The following WDR72 variants were observed in gnomAD, a reference collection of about 807,000 sequenced individuals.
The protein encoded by WDR72 is WD repeat-containing protein 72.
Under a neutral mutation model 124.2 loss-of-function variants are expected in WDR72, and 120 were observed. That is an observed-to-expected ratio of 0.97 (90% CI 0.83 to 1.12). The LOEUF is 1.12. Among genes scored for constraint, WDR72 ranks in the 50% most tolerant of loss-of-function variants. The probability of loss-of-function intolerance (pLI) is 0.00; values close to 1 mark genes in which losing one functional copy is unlikely to be tolerated. For synonymous variants in WDR72, 452 were observed against 441.7 expected, an observed-to-expected ratio of 1.02 and a Z score of -0.29; for missense variants, 1,387 against 1,278.8, an observed-to-expected ratio of 1.08 and a Z score of -1.29.
chr15:53,538,869 G>T (rs1314973872), intron 18 of WDR72, among the ~76,000 whole-genome samples: 1 of 152,056 alleles, frequency 6.6e-6, no homozygotes, highest in Non-Finnish European at 1.5e-5. Flanking sequence ...ACTGGTCTCA[G>T]TAAGTACATT....
At chr15:53,664,768 T>G (rs1414695605) in intron 14 of WDR72, among the ~76,000 whole-genome samples, 1 of 152,138 alleles carries the variant, frequency 6.6e-6, no homozygotes, top group Non-Finnish European at 1.5e-5. Flanking sequence ...CCAAGCCATA[T>G]ATCAAGACAT....
intron 8 of WDR72, 84 bp from the exon 9 acceptor site, chr15:53,711,037 G>A (rs1240993719): frequency 5.1e-6 from 6 of 1,178,810 alleles, no homozygotes; most frequent in African/African-American, 1.5e-5. Flanking sequence ...TCAAAAGCCG[G>A]ATGGTACCGT....
At chr15:53,542,683 A>C (rs1179661254) in intron 18 of WDR72, among the ~76,000 whole-genome samples, 6 of 42,658 alleles carry the variant, frequency 1.4e-4, no homozygotes, top group Non-Finnish European at 9.6e-5. Context: ...GCTCCAATTA[A>C]AAGACACAGA....
chr15:53,645,827 T>C (rs2015021480), intron 14 of WDR72, among the ~76,000 whole-genome samples: 1 of 152,186 alleles, frequency 6.6e-6, no homozygotes, highest in South Asian at 2.1e-4. Flanking sequence ...TTGAATATTT[T>C]GAAATTGCTA....
At chr15:53,745,289 T>C (rs899756534) in intron 1 of WDR72, among the ~76,000 whole-genome samples, 19 of 152,216 alleles carry the variant, frequency 1.2e-4, no homozygotes, top group African/African-American at 4.3e-4. Flanking sequence ...AATGAATCAC[T>C]ATAATTTTGT....
intron 18 of WDR72, among the ~76,000 whole-genome samples, chr15:53,549,209 C>T (rs76700759): frequency 0.16 from 24,232 of 152,168 alleles, 2,245 homozygotes; most frequent in South Asian, 0.25. Context: ...TGTGCCCTAA[C>T]AGATCTTATG....
intron 18 of WDR72, among the ~76,000 whole-genome samples, chr15:53,529,892 T>C (rs899163309): frequency 1.3e-5 from 2 of 151,956 alleles, no homozygotes; most frequent in Non-Finnish European, 2.9e-5. Flanking sequence ...AGAAAACGTG[T>C]AGGTTGGGAA....
chr15:53,604,968 C>T (rs1367702561), intron 17 of WDR72, among the ~76,000 whole-genome samples: 3 of 152,146 alleles, frequency 2.0e-5, no homozygotes, highest in East Asian at 1.9e-4. Flanking sequence ...TACCACTCAA[C>T]CCAACAATCC....
chr15:53,621,429 T>TAATA (rs1566988971), intron 14 of WDR72, among the ~76,000 whole-genome samples: 1 of 78,472 alleles, frequency 1.3e-5, no homozygotes, highest in Non-Finnish European at 2.3e-5. Flanking sequence ...AAAGAAACTG[T>TAATA]GATATATATA....
Position 53,569,301 on chromosome 15 carries a change from C to T in WDR72, c.3148+27778G>A, listed in dbSNP as rs565178934. 2.0e-5 allele frequency among the ~76,000 whole-genome samples: 3 copies of T among 152,092 alleles called. No individual in the cohort carries two copies. The South Asian group carries it at 6.2e-4, about 32-fold the overall frequency. ...TTTCATTTTATCCTAGGTCTCCACC[C>T]ATCACAGGTAATATTAGAGATGACA... is the stretch of plus-strand genomic sequence containing the variant. On this transcript the variant is annotated intron_variant, in intron 18 of 19. Transcript: ENST00000360509.
intron 2 of WDR72, among the ~76,000 whole-genome samples, chr15:53,732,397 T>C (rs2018227448): frequency 6.6e-6 from 1 of 152,200 alleles, no homozygotes; most frequent in Non-Finnish European, 1.5e-5. Flanking sequence ...TCTATTCTGA[T>C]ACGTTAAATG....
At chr15:53,527,106 G>T (rs1275036372) in intron 18 of WDR72, among the ~76,000 whole-genome samples, 1 of 152,034 alleles carries the variant, frequency 6.6e-6, no homozygotes, top group African/African-American at 2.4e-5. Flanking sequence ...GAATTGTTTG[G>T]CCAAAGAGAA....
At chr15:53,649,209 T>A (rs2015146234) in intron 14 of WDR72, among the ~76,000 whole-genome samples, 1 of 152,010 alleles carries the variant, frequency 6.6e-6, no homozygotes, top group Non-Finnish European at 1.5e-5. Context: ...ACAGAAACAC[T>A]CATTTACTGA....
At chr15:53,722,515 A>T (rs2017905330) in intron 3 of WDR72, among the ~76,000 whole-genome samples, 1 of 152,354 alleles carries the variant, frequency 6.6e-6, no homozygotes, top group Admixed American at 6.5e-5. Context: ...GGCATTGGTC[A>T]CTGACCCTCA....
chr15:53,696,855 G>C (rs1488365271), intron 13 of WDR72, among the ~76,000 whole-genome samples: 1 of 152,202 alleles, frequency 6.6e-6, no homozygotes, highest in Non-Finnish European at 1.5e-5. Context: ...TTATTCAAAA[G>C]GAATGAATGT....
At chr15:53,565,497 C>T (rs1461441914) in intron 18 of WDR72, among the ~76,000 whole-genome samples, 2 of 151,934 alleles carry the variant, frequency 1.3e-5, no homozygotes, top group African/African-American at 4.8e-5. Context: ...CTATTCTCCA[C>T]ACTCCTGTTC....
rs1439725015 is a variant in WDR72, at chr15:53,702,207, T to G, written c.1496A>C (p.Glu499Ala). The change falls in exon 12 of 20, where the codon GAA becomes GCA. Residue 499 changes from glutamate (E) to alanine (A), a missense_variant. By Grantham distance (107) the Glu-to-Ala change is moderately radical (BLOSUM62 -1). Transcript: ENST00000360509. Reference sequence around the variant, plus strand: ...CAAAAAGAATTTATGCAAAATTTCTTCAGTAAAGATATCCCACAAGATCAC... The same window carrying G: ...CAAAAAGAATTTATGCAAAATTTCTGCAGTAAAGATATCCCACAAGATCAC... ...SCVILWDIFT[E>A]EILHKFFLEA... 1.2e-6 allele frequency: 2 copies of G among 1,614,124 alleles called. No individual in the cohort carries two copies. Among genetic ancestry groups the G allele is most frequent in the Non-Finnish European group, 1.7e-6 (2 of 1,180,016 alleles).
intron 1 of WDR72, among the ~76,000 whole-genome samples, chr15:53,751,886 G>A (rs1228651388): frequency 6.6e-6 from 1 of 152,110 alleles, no homozygotes; most frequent in East Asian, 1.9e-4. Context: ...TCAATAAAAT[G>A]AGGATAAATA....
chr15:53,739,613 C>T (rs2018452897), intron 1 of WDR72, among the ~76,000 whole-genome samples: 1 of 152,014 alleles, frequency 6.6e-6, no homozygotes, highest in Non-Finnish European at 1.5e-5. Flanking sequence ...GACTGCAAAG[C>T]AGGTAGTGAG....
Sources: allele counts gnomAD v4.1 joint callset (sites outside exome capture counted in the v4.1 genomes callset), GRCh38; gene constraint gnomAD v4.1.1; transcripts MANE v1.5; gene names NCBI Gene and HGNC (gene_info 2026-07-23, HGNC 2026-07-21).